The following ASB4 variants were observed in gnomAD, a reference collection of about 807,000 sequenced individuals.
ASB4 encodes the protein ankyrin repeat and SOCS box protein 4.
A neutral mutation model predicts 38.6 loss-of-function variants in ASB4; 35 were observed. The observed-to-expected ratio is 0.91, with a 90% CI of 0.69 to 1.20. The LOEUF (loss-of-function observed/expected upper bound fraction) is 1.20. Among genes scored for constraint, ASB4 ranks in the 50% most tolerant of loss-of-function variants. The probability of loss-of-function intolerance (pLI) is 0.00; values close to 1 mark genes in which losing one functional copy is unlikely to be tolerated. For synonymous variants in ASB4, 195 were observed against 201.3 expected (o/e 0.97, Z 0.26); for missense variants, 557 against 527.2 (o/e 1.06, Z -0.55).
At chr7:95,494,969 C>G (rs1745128602) in intron 1 of ASB4, among the ~76,000 whole-genome samples, 3 of 152,186 alleles carry the variant, frequency 2.0e-5, no homozygotes, top group Admixed American at 1.3e-4. Context: ...TGCAACATAT[C>G]TTATTTTCCT....
At chr7:95,472,518 A>G in the ASB4 span, among the ~76,000 whole-genome samples, 67 of 152,256 alleles carry the variant, frequency 4.4e-4, 1 homozygote, top group African/African-American at 1.5e-3. Flanking sequence ...TTCCTGTGGA[A>G]CTGCAGTGCT....
downstream of ASB4, chr7:95,544,375 A>G (rs532718145): frequency 2.7e-4 from 41 of 152,370 alleles, no homozygotes; most frequent in Middle Eastern, 3.4e-3. Flanking sequence ...CAGATGGACA[A>G]CAAAAGGTCT....
the ASB4 span, among the ~76,000 whole-genome samples, chr7:95,548,387 G>A: frequency 4.6e-5 from 7 of 152,168 alleles, no homozygotes; most frequent in Non-Finnish European, 1.0e-4. Flanking sequence ...TGTTGGAATA[G>A]TTTGTCATTT....
rs755494783 is a variant in ASB4, at chr7:95,528,201, G to A, written c.876G>A (p.Val292=). Residue 292 remains valine (V), a synonymous_variant, in exon 3 of 5, where the codon GTG becomes GTA. Transcript: ENST00000325885. ...DINGCAAIQY[V]LKVTSVRPAA... ...ACGGCTGTGCTGCCATCCAGTACGTGCTGAAGGTCACCTCCGTGCGCCCTG... is the reference window on the plus strand; with the variant it reads ...ACGGCTGTGCTGCCATCCAGTACGTACTGAAGGTCACCTCCGTGCGCCCTG... 2.6e-5 allele frequency: 42 copies of A among 1,614,082 alleles called. No homozygotes were observed. The highest frequency in any genetic ancestry group is 3.4e-5 in the Non-Finnish European group (40 of 1,180,046).
At chr7:95,550,711 C>A in the ASB4 span, among the ~76,000 whole-genome samples, 1 of 152,138 alleles carries the variant, frequency 6.6e-6, no homozygotes, top group African/African-American at 2.4e-5. Context: ...AAATAGTCAA[C>A]AACTTTGTCC....
chr7:95,536,621 A>G, intron 4 of ASB4, 71 bp downstream of exon 4: 1 of 1,145,770 alleles, frequency 8.7e-7, no homozygotes, highest in Admixed American at 2.3e-5. Flanking sequence ...AGTACAGAAA[A>G]TTGTAACAAA....
At chr7:95,489,895 A>G (rs1278768017) in intron 1 of ASB4, among the ~76,000 whole-genome samples, 1 of 152,204 alleles carries the variant, frequency 6.6e-6, no homozygotes, top group African/African-American at 2.4e-5. Flanking sequence ...TCCATACTGG[A>G]AAGACGAAGG....
At chr7:95,536,242 G>T (rs1790887845) in intron 3 of ASB4, among the ~76,000 whole-genome samples, 195 bp from the exon 4 acceptor site, 1 of 152,016 alleles carries the variant, frequency 6.6e-6, no homozygotes, top group South Asian at 2.1e-4. Flanking sequence ...TACAGATAGG[G>T]TCTTGATGTG....
intron 3 of ASB4, among the ~76,000 whole-genome samples, chr7:95,536,236 G>A (rs1790887814): frequency 6.6e-6 from 1 of 151,912 alleles, no homozygotes; most frequent in Admixed American, 6.6e-5. Flanking sequence ...TTTTTTTACA[G>A]ATAGGGTCTT....
intron 2 of ASB4, among the ~76,000 whole-genome samples, chr7:95,519,734 T>C (rs950975124): frequency 6.6e-6 from 1 of 152,208 alleles, no homozygotes; most frequent in African/African-American, 2.4e-5. Flanking sequence ...ATACCTTTTC[T>C]AAGAAAAGTG....
intron 2 of ASB4, among the ~76,000 whole-genome samples, chr7:95,509,436 A>G (rs937476929): frequency 6.6e-6 from 1 of 152,180 alleles, no homozygotes; most frequent in African/African-American, 2.4e-5. Context: ...GGGCTCATTA[A>G]TCCTCTATTC....
the ASB4 span, chr7:95,471,880 T>TTTTTTTTTTTTTTTTTTTGAG: frequency 6.6e-6 from 1 of 150,704 alleles, no homozygotes; most frequent in Non-Finnish European, 1.5e-5. Context: ...CTGCTTTTTT[T>TTTTTTTTTTTTTTTTTTTGAG]AACAGATGAA....
At chr7:95,498,361 G>C (rs570140080) in intron 2 of ASB4, among the ~76,000 whole-genome samples, 38 of 152,248 alleles carry the variant, frequency 2.5e-4, no homozygotes, top group African/African-American at 9.1e-4. Flanking sequence ...CCTCTACTGG[G>C]GGGTAGATCA....
At chr7:95,509,406 G>A (rs1217901343) in intron 2 of ASB4, among the ~76,000 whole-genome samples, 1 of 152,124 alleles carries the variant, frequency 6.6e-6, no homozygotes, top group Admixed American at 6.6e-5. Context: ...GGTTGCCATG[G>A]TGACCAACGC....
chr7:95,548,163 A>G, the ASB4 span, among the ~76,000 whole-genome samples: 29 of 152,358 alleles, frequency 1.9e-4, no homozygotes, highest in African/African-American at 7.0e-4. Context: ...AAAGTGATGT[A>G]CATGTTTGCA....
chr7:95,496,562 G>A (rs1176833097), intron 2 of ASB4, among the ~76,000 whole-genome samples: 2 of 152,130 alleles, frequency 1.3e-5, no homozygotes, highest in Non-Finnish European at 2.9e-5. Context: ...GAATGAAAAG[G>A]ACGGCCAGGT....
intron 2 of ASB4, among the ~76,000 whole-genome samples, chr7:95,519,193 A>G (rs1790626070): frequency 6.6e-6 from 1 of 152,212 alleles, no homozygotes; most frequent in Non-Finnish European, 1.5e-5. Context: ...TGAAACTAGA[A>G]AAAAGCAACC....
the ASB4 span, among the ~76,000 whole-genome samples, chr7:95,548,527 G>A: frequency 6.6e-6 from 1 of 152,154 alleles, no homozygotes; most frequent in Non-Finnish European, 1.5e-5. Context: ...GTTATTATTT[G>A]TAATGCTTAT....
At chr7:95,515,132 T>G (rs1790536138) in intron 2 of ASB4, among the ~76,000 whole-genome samples, 1 of 152,058 alleles carries the variant, frequency 6.6e-6, no homozygotes, top group African/African-American at 2.4e-5. Flanking sequence ...ACAACCTCTG[T>G]CCAAGCAATT....
Sources: gnomAD v4.1 joint callset for allele counts (sites outside exome capture counted in the v4.1 genomes callset) on GRCh38, gnomAD v4.1.1 for gene constraint, MANE v1.5 for transcripts, NCBI Gene and HGNC (gene_info 2026-07-23, HGNC 2026-07-21) for gene names.